Variants in C3orf52 observed in about 807,000 individuals in gnomAD.
C3orf52 encodes the protein TPA-induced transmembrane protein.
A neutral mutation model predicts 24.8 loss-of-function variants in C3orf52; 22 were observed. The observed-to-expected ratio is 0.89, with a 90% CI of 0.63 to 1.27. C3orf52 has a LOEUF of 1.27. C3orf52 is among the 50% of genes most tolerant of loss of function. C3orf52 has a pLI of 0.00. For missense variants in C3orf52, 265 were observed against 260.7 expected, an observed-to-expected ratio of 1.02 and a Z score of -0.11; for synonymous variants, 93 against 100.2, an observed-to-expected ratio of 0.93 and a Z score of 0.43.
At chr3:112,096,750 G>A (rs2073930376) in intron 2 of C3orf52, among the ~76,000 whole-genome samples, 2 of 152,182 alleles carry the variant, frequency 1.3e-5, no homozygotes, top group South Asian at 4.1e-4. Flanking sequence ...ATTAAGAATT[G>A]TCAGCATGTG....
chr3:112,090,923 T>G (rs141471493), intron 1 of C3orf52, among the ~76,000 whole-genome samples: 1 of 152,298 alleles, frequency 6.6e-6, no homozygotes, highest in East Asian at 1.9e-4. Context: ...TGAAGATTCT[T>G]TGTACTGGGA....
downstream of C3orf52, chr3:112,130,129 A>G: frequency 3.3e-6 from 1 of 306,140 alleles, no homozygotes; most frequent in Non-Finnish European, 6.2e-6. Flanking sequence ...GAGGTTGAGC[A>G]CAAAGGTACC....
In C3orf52 at chr3:112,128,334, T is replaced by G. The variant is rs566702619; in HGVS notation, c.*148T>G. 825 of 605,746 alleles carry G rather than the reference T, an allele frequency of 1.4e-3. 1 individual carries two copies. Among genetic ancestry groups the G allele is most frequent in the Middle Eastern group, 6.2e-3 (14 of 2,260 alleles). The allele number at this position is 605,746 out of a possible 1,614,324, so 37.5% of individuals were successfully genotyped here. A position where few individuals can be genotyped will look rare whatever the true frequency, so the allele number is the denominator to read the frequency against. On this transcript the variant is annotated 3_prime_UTR_variant, in exon 5 of 5. Coordinates refer to the C3orf52 transcript ENST00000480282. Reference sequence around the variant, plus strand: ...CTCACTCTCAATTCTGGTAATTTCCTTGGTTCCCTTGTAATGAAGAACACG... The same window carrying G: ...CTCACTCTCAATTCTGGTAATTTCCGTGGTTCCCTTGTAATGAAGAACACG...
chr3:112,102,527 G>A (rs1050270405), intron 2 of C3orf52, among the ~76,000 whole-genome samples: 1 of 152,186 alleles, frequency 6.6e-6, no homozygotes, highest in East Asian at 1.9e-4. Context: ...TAAGCTGCAG[G>A]TTTAGTCTAA....
intron 5 of C3orf52, among the ~76,000 whole-genome samples, chr3:112,114,116 CAG>C (rs533130024): frequency 8.1e-4 from 123 of 152,228 alleles, no homozygotes; most frequent in Admixed American, 4.1e-3. Context: ...AAGCATGGAA[CAG>C]GGGGTTAAAA....
chr3:112,092,351 A>T (rs1018940486), intron 1 of C3orf52, among the ~76,000 whole-genome samples: 17 of 152,182 alleles, frequency 1.1e-4, no homozygotes, highest in Non-Finnish European at 2.4e-4. Context: ...TTAGATACAG[A>T]CACATTTTTT....
chr3:112,124,642 T>C (rs148772224), intron 4 of C3orf52, among the ~76,000 whole-genome samples: 4 of 152,114 alleles, frequency 2.6e-5, no homozygotes, highest in Non-Finnish European at 4.4e-5. Context: ...AATAATCTTA[T>C]GATATCTTAA....
downstream of C3orf52, among the ~76,000 whole-genome samples, chr3:112,119,246 G>T (rs1024325649): frequency 6.6e-6 from 1 of 152,080 alleles, no homozygotes; most frequent in African/African-American, 2.4e-5. Context: ...GTGGTGGCAG[G>T]CGCCTGTAAT....
At chr3:112,088,978 T>G (rs1429989267) in intron 1 of C3orf52, among the ~76,000 whole-genome samples, 1 of 152,180 alleles carries the variant, frequency 6.6e-6, no homozygotes, top group Non-Finnish European at 1.5e-5. Context: ...TTGCCTTTCT[T>G]GATGTGTGCT....
intron 3 of C3orf52, among the ~76,000 whole-genome samples, chr3:112,106,909 G>T (rs1249904700): frequency 6.6e-6 from 1 of 152,112 alleles, no homozygotes; most frequent in Non-Finnish European, 1.5e-5. Flanking sequence ...TAATCAATTC[G>T]CTGAGCTCCT....
intron 2 of C3orf52, among the ~76,000 whole-genome samples, chr3:112,100,004 T>A (rs2073957654): frequency 1.3e-5 from 2 of 152,240 alleles, no homozygotes; most frequent in Non-Finnish European, 2.9e-5. Context: ...GAGTTCAGAC[T>A]GAGTCTGGCT....
chr3:112,092,644 G>C (rs551713234), intron 1 of C3orf52, among the ~76,000 whole-genome samples: 1 of 152,128 alleles, frequency 6.6e-6, no homozygotes, highest in Non-Finnish European at 1.5e-5. Flanking sequence ...GTGAAATGAC[G>C]CTGGTGCTCA....
At chr3:112,112,554 C>T in intron 4 of C3orf52, 1 of 221,286 alleles carries the variant, frequency 4.5e-6, no homozygotes, top group South Asian at 7.5e-5. Flanking sequence ...GGGGGCAATG[C>T]TGAGAACATG....
chr3:112,116,252 G>T (rs936692342), intron 5 of C3orf52, among the ~76,000 whole-genome samples: 6 of 152,024 alleles, frequency 3.9e-5, no homozygotes, highest in African/African-American at 1.5e-4. Flanking sequence ...GTGCCCTAGG[G>T]TTCACACCAT....
chr3:112,109,676 C>A, intron 4 of C3orf52, 63 bp downstream of exon 4: 6 of 1,001,374 alleles, frequency 6.0e-6, no homozygotes, highest in Non-Finnish European at 9.3e-6. Flanking sequence ...CCACCCCACC[C>A]TTCGTCATTT....
chr3:112,093,055 C>A (rs1351765214), intron 1 of C3orf52, among the ~76,000 whole-genome samples: 2 of 152,164 alleles, frequency 1.3e-5, no homozygotes, highest in Admixed American at 6.5e-5. Context: ...AGTCTGCTGG[C>A]CGGTTCCATT....
At chr3:112,095,699 T>G (rs940470260) in intron 2 of C3orf52, among the ~76,000 whole-genome samples, 4 of 152,194 alleles carry the variant, frequency 2.6e-5, no homozygotes, top group African/African-American at 9.7e-5. Context: ...TTCAAACTAC[T>G]TTTTAAATCA....
intron 4 of C3orf52, 78 bp downstream of exon 4, chr3:112,109,691 A>G (rs1276079912): frequency 2.3e-6 from 2 of 859,914 alleles, no homozygotes; most frequent in Non-Finnish European, 1.9e-6. Flanking sequence ...TCATTTACCT[A>G]GCAGGGATTC....
At chr3:112,094,001 ATT>A (rs111422326) in intron 2 of C3orf52, among the ~76,000 whole-genome samples, 1 of 148,298 alleles carries the variant, frequency 6.7e-6, no homozygotes. Context: ...GTATTTATTT[ATT>A]TTTTTTTTTG....
Sources: gnomAD v4.1 joint callset for allele counts (sites outside exome capture counted in the v4.1 genomes callset) on GRCh38, gnomAD v4.1.1 for gene constraint, MANE v1.5 for transcripts, NCBI Gene and HGNC (gene_info 2026-07-23, HGNC 2026-07-21) for gene names.